The following RARB variants were observed in gnomAD, a reference collection of about 807,000 sequenced individuals.
RARB encodes HBV-activated protein.
A neutral mutation model predicts 51.9 loss-of-function variants in RARB; 17 were observed. That is an observed-to-expected ratio of 0.33 (90% CI 0.22 to 0.49). RARB has a LOEUF of 0.49. Among genes scored for constraint, RARB ranks in the 20% least tolerant of loss-of-function variants. RARB has a pLI of 0.99. For synonymous variants in RARB, 215 were observed against 195.4 expected, an observed-to-expected ratio of 1.10 and a Z score of -0.84; for missense variants, 369 against 550.8, an observed-to-expected ratio of 0.67 and a Z score of 3.30.
intron 3 of RARB, among the ~76,000 whole-genome samples, chr3:25,560,839 G>A (rs2125678377): frequency 6.6e-6 from 1 of 152,200 alleles, no homozygotes; most frequent in East Asian, 1.9e-4. Flanking sequence ...TTTATTGAAG[G>A]GAGAACCCCT....
intron 2 of RARB, among the ~76,000 whole-genome samples, chr3:24,928,482 T>A (rs777936037): frequency 6.6e-6 from 1 of 152,104 alleles, no homozygotes; most frequent in Non-Finnish European, 1.5e-5. Flanking sequence ...AAAGGAATCT[T>A]CTTTTATTTT....
chr3:25,103,572 C>T (rs1699444268), intron 3 of RARB, among the ~76,000 whole-genome samples: 1 of 152,118 alleles, frequency 6.6e-6, no homozygotes, highest in Non-Finnish European at 1.5e-5. Context: ...AAAGTTTTGC[C>T]CCCAGGCGAC....
intron 2 of RARB, among the ~76,000 whole-genome samples, chr3:24,916,516 T>C (rs75133559): frequency 0.074 from 11,184 of 152,154 alleles, 619 homozygotes; most frequent in East Asian, 0.29. Context: ...TCTAGGTATA[T>C]TGAAGAACTC....
intron 2 of RARB, among the ~76,000 whole-genome samples, chr3:25,045,847 T>C (rs974940554): frequency 2.0e-5 from 3 of 152,248 alleles, no homozygotes; most frequent in African/African-American, 4.8e-5. Context: ...TTTCTTAAAA[T>C]GTTTTAATGA....
chr3:24,885,998 C>A (rs1435938091), intron 2 of RARB, among the ~76,000 whole-genome samples: 1 of 152,128 alleles, frequency 6.6e-6, no homozygotes, highest in Non-Finnish European at 1.5e-5. Context: ...GGTAATCTTG[C>A]CTTCATGATT....
chr3:24,911,946 T>G (rs184688811), intron 2 of RARB, among the ~76,000 whole-genome samples: 1 of 152,342 alleles, frequency 6.6e-6, no homozygotes, highest in East Asian at 1.9e-4. Context: ...AATCTTAATG[T>G]TGGTGACAAC....
intron 5 of RARB, among the ~76,000 whole-genome samples, chr3:25,233,415 A>C (rs1388604180): frequency 4.6e-5 from 7 of 152,126 alleles, no homozygotes; most frequent in Admixed American, 4.6e-4. Flanking sequence ...ATCACTTATT[A>C]GTTCTAGGAG....
At chr3:25,467,261 A>G (rs1358219077) in intron 2 of RARB, among the ~76,000 whole-genome samples, 1 of 152,262 alleles carries the variant, frequency 6.6e-6, no homozygotes, top group Non-Finnish European at 1.5e-5. Context: ...CTGCTTAACA[A>G]ATAACTCAAA....
At chr3:25,046,880 G>C (rs568277879) in intron 2 of RARB, among the ~76,000 whole-genome samples, 20 of 152,308 alleles carry the variant, frequency 1.3e-4, no homozygotes, top group Admixed American at 3.3e-4. Context: ...TGTTGGGAGT[G>C]CTTGCTAATT....
intron 3 of RARB, among the ~76,000 whole-genome samples, chr3:25,094,188 A>G (rs1159673531): frequency 6.6e-6 from 1 of 152,134 alleles, no homozygotes. Flanking sequence ...ACTTGCATAT[A>G]GAAGGTCTAT....
intron 2 of RARB, among the ~76,000 whole-genome samples, chr3:24,877,345 A>ATTTTTTTTTTTTTTT (rs1559379782): frequency 4.5e-4 from 8 of 17,750 alleles, no homozygotes; most frequent in Non-Finnish European, 6.2e-4. Flanking sequence ...AAGCAATCTT[A>ATTTTTTTTTTTTTTT]CTTTTTTTTT....
At chr3:24,947,821 C>T (rs1056143986) in intron 2 of RARB, among the ~76,000 whole-genome samples, 11 of 152,122 alleles carry the variant, frequency 7.2e-5, no homozygotes, top group Admixed American at 1.3e-4. Flanking sequence ...TTTAGTAGCT[C>T]TGTGTGACTC....
At chr3:25,555,731 C>T (rs984767075) in intron 3 of RARB, 1 of 152,190 alleles carries the variant, frequency 6.6e-6, no homozygotes, top group Admixed American at 6.5e-5. Context: ...GATCTTACAC[C>T]CACAAGGTAT....
chr3:25,201,067 C>T (rs1285096298), intron 5 of RARB, among the ~76,000 whole-genome samples: 1 of 152,114 alleles, frequency 6.6e-6, no homozygotes, highest in African/African-American at 2.4e-5. Context: ...ATTCTTCCTA[C>T]CCATGAGCAT....
At chr3:24,974,726 A>G (rs1696473571) in intron 2 of RARB, among the ~76,000 whole-genome samples, 1 of 152,218 alleles carries the variant, frequency 6.6e-6, no homozygotes. Context: ...ATAAGAAATT[A>G]TAAATGAGTA....
intron 5 of RARB, among the ~76,000 whole-genome samples, chr3:25,302,370 A>C (rs75107883): frequency 6.6e-6 from 1 of 152,222 alleles, no homozygotes; most frequent in Non-Finnish European, 1.5e-5. Flanking sequence ...CCAAATATTC[A>C]ACTGATGAAT....
chr3:24,972,398 C>T (rs1454391119), intron 2 of RARB, among the ~76,000 whole-genome samples: 1 of 151,990 alleles, frequency 6.6e-6, no homozygotes, highest in African/African-American at 2.4e-5. Flanking sequence ...TACTGATGGC[C>T]ACTTAGGTTG....
intron 5 of RARB, among the ~76,000 whole-genome samples, chr3:25,418,829 C>T (rs1349417202): frequency 1.3e-5 from 2 of 150,740 alleles, no homozygotes; most frequent in African/African-American, 4.9e-5. Context: ...TTTCTGAAGG[C>T]AAGTTAGGGT....
intron 5 of RARB, among the ~76,000 whole-genome samples, chr3:25,295,891 T>G (rs1467076651): frequency 6.6e-6 from 1 of 152,192 alleles, no homozygotes; most frequent in Non-Finnish European, 1.5e-5. Context: ...AGACGGAGAA[T>G]TCTGAAGTAT....
Sources: allele counts gnomAD v4.1 joint callset (sites outside exome capture counted in the v4.1 genomes callset), GRCh38; gene constraint gnomAD v4.1.1; transcripts MANE v1.5; gene names NCBI Gene and HGNC (gene_info 2026-07-23, HGNC 2026-07-21).